Variants in MAPK10 observed in about 807,000 individuals in gnomAD.
MAPK10 encodes the protein mitogen-activated protein kinase 10, also known as JNK3 alpha protein kinase.
In MAPK10, 25 loss-of-function variants were observed where a neutral mutation model predicts 59.3. The ratio of observed to expected loss-of-function variants is 0.42; its 90% CI spans 0.31 to 0.59. The LOEUF is 0.59. Among genes scored for constraint, MAPK10 ranks in the 20% least tolerant of loss-of-function variants. The pLI is 0.15. For synonymous variants in MAPK10, 190 were observed against 200.5 expected, an observed-to-expected ratio of 0.95 and a Z score of 0.44; for missense variants, 351 against 568.9, an observed-to-expected ratio of 0.62 and a Z score of 3.90.
rs1442724789 is a variant in MAPK10 at position 86,017,476 on chromosome 4, C to A, written c.1253-106G>T. On this transcript the variant is annotated intron_variant, in intron 13 of 13. Transcript: ENST00000641462. This position sits in a 1 kb window ranked among gnomAD's most constrained non-coding sequence, Gnocchi z 4.4. The stretch of plus-strand genomic sequence containing the variant: ...CAAATACAATAGGGGATGTCCAGTC[C>A]ATCAATCATTTGGCAAGCCTTTATA... The A allele has an allele frequency of 2.5e-5, 31 of 1,256,440 alleles. No individual in the cohort carries two copies. The highest frequency in any genetic ancestry group is 3.4e-5 in the Non-Finnish European group (30 of 885,486). The allele number at this position is 1,256,440 out of a possible 1,614,324, so 77.8% of individuals were successfully genotyped here. A position where few individuals can be genotyped will look rare whatever the true frequency, so the allele number is the denominator to read the frequency against.
chr4:86,046,717 A>G (rs1361105871), intron 11 of MAPK10, among the ~76,000 whole-genome samples: 4 of 152,174 alleles, frequency 2.6e-5, no homozygotes, highest in African/African-American at 4.8e-5. Flanking sequence ...CTTTTGATAT[A>G]CACATATTAG....
chr4:86,587,157 T>C (rs1166963204), intron 1 of MAPK10, among the ~76,000 whole-genome samples: 2 of 152,242 alleles, frequency 1.3e-5, no homozygotes, highest in African/African-American at 2.4e-5. Flanking sequence ...TCTTATTTCC[T>C]TCACTTTACA....
intron 3 of MAPK10, chr4:86,192,117 G>A (rs1268768741): frequency 1.3e-5 from 2 of 152,132 alleles, no homozygotes; most frequent in African/African-American, 4.8e-5. Flanking sequence ...CTTCTGGCTT[G>A]TAGGGTTTCT....
At chr4:86,492,261 C>T (rs772590192) in intron 1 of MAPK10, among the ~76,000 whole-genome samples, 9 of 152,160 alleles carry the variant, frequency 5.9e-5, no homozygotes, top group Non-Finnish European at 1.3e-4. Context: ...TCCTGTAACA[C>T]CAGCAGACAA....
At chr4:86,218,568 C>CAAAAA (rs11330422) in intron 2 of MAPK10, among the ~76,000 whole-genome samples, 68 of 95,410 alleles carry the variant, frequency 7.1e-4, no homozygotes, top group African/African-American at 1.4e-3. Context: ...AAGACTTAAG[C>CAAAAA]AAAAAAAAAA....
intron 4 of MAPK10, among the ~76,000 whole-genome samples, chr4:86,140,360 A>C (rs1291245148): frequency 6.9e-6 from 1 of 144,724 alleles, no homozygotes; most frequent in African/African-American, 2.8e-5. Flanking sequence ...GCCATAAAAA[A>C]TGATGAGTTC....
intron 2 of MAPK10, among the ~76,000 whole-genome samples, chr4:86,310,707 T>C (rs1049744520): frequency 2.0e-5 from 3 of 152,156 alleles, no homozygotes; most frequent in Admixed American, 6.6e-5. Flanking sequence ...TTATTTTTAA[T>C]ATATAGTTCA....
chr4:86,480,801 T>G (rs1195613883), intron 1 of MAPK10, among the ~76,000 whole-genome samples: 1 of 152,206 alleles, frequency 6.6e-6, no homozygotes, highest in Non-Finnish European at 1.5e-5. Context: ...ACAAATTTAT[T>G]TAATCAAAGT....
At chr4:86,047,873 C>A (rs1472769007) in intron 11 of MAPK10, among the ~76,000 whole-genome samples, 1 of 152,084 alleles carries the variant, frequency 6.6e-6, no homozygotes. Flanking sequence ...AAGGAAAATT[C>A]TAGGCATTCT....
intron 1 of MAPK10, among the ~76,000 whole-genome samples, chr4:86,385,522 G>A (rs766396797): frequency 6.6e-6 from 1 of 152,110 alleles, no homozygotes; most frequent in Non-Finnish European, 1.5e-5. Flanking sequence ...TATAAACTAT[G>A]TAATCATTGG....
At chr4:86,564,043 G>T (rs1372086501) in intron 1 of MAPK10, among the ~76,000 whole-genome samples, 2 of 152,080 alleles carry the variant, frequency 1.3e-5, no homozygotes, top group African/African-American at 2.4e-5. Context: ...TTTTCTCCAG[G>T]CTGGTCTCGA....
chr4:86,258,448 T>G (rs2093846059), intron 2 of MAPK10, among the ~76,000 whole-genome samples: 1 of 152,198 alleles, frequency 6.6e-6, no homozygotes, highest in Non-Finnish European at 1.5e-5. Flanking sequence ...TTACCCCCAC[T>G]GTATCTATAA....
intron 4 of MAPK10, among the ~76,000 whole-genome samples, chr4:86,141,100 A>T (rs2063543142): frequency 6.6e-6 from 1 of 152,224 alleles, no homozygotes; most frequent in South Asian, 2.1e-4. Context: ...ACTTGTTCAA[A>T]GTCATTCAGC....
At chr4:86,091,561 T>G (rs1196611202) in intron 9 of MAPK10, 1 of 148,580 alleles carries the variant, frequency 6.7e-6, no homozygotes, top group Non-Finnish European at 1.5e-5. Context: ...TTTTTTTTTT[T>G]TTTTGCTGTT....
chr4:86,546,283 C>T (rs1759150062), intron 1 of MAPK10, among the ~76,000 whole-genome samples: 1 of 151,966 alleles, frequency 6.6e-6, no homozygotes, highest in Admixed American at 6.6e-5. Context: ...TGCGGTGGCT[C>T]ACGCCTGTAA....
intron 1 of MAPK10, among the ~76,000 whole-genome samples, chr4:86,447,583 C>T (rs1163513625): frequency 6.6e-6 from 1 of 152,108 alleles, no homozygotes; most frequent in African/African-American, 2.4e-5. Context: ...AAATGATAAA[C>T]ATAAACAGTA....
At chr4:86,171,505 G>C (rs890138211) in intron 3 of MAPK10, among the ~76,000 whole-genome samples, 21 of 151,874 alleles carry the variant, frequency 1.4e-4, no homozygotes, top group Non-Finnish European at 2.9e-4. Flanking sequence ...AAATGGTGCT[G>C]GGGAAACTGG....
intron 1 of MAPK10, among the ~76,000 whole-genome samples, chr4:86,388,192 G>C (rs2149006660): frequency 6.6e-6 from 1 of 151,868 alleles, no homozygotes; most frequent in South Asian, 2.1e-4. Flanking sequence ...ATGTGTGTGT[G>C]TGCATGTATG....
intron 13 of MAPK10, chr4:86,027,708 T>G (rs1260920000): frequency 6.6e-6 from 1 of 152,234 alleles, no homozygotes; most frequent in Non-Finnish European, 1.5e-5. Context: ...GCTACTACTA[T>G]GTGCAAGGCA....
Sources: gnomAD v4.1 joint callset for allele counts (sites outside exome capture counted in the v4.1 genomes callset) on GRCh38, gnomAD v4.1.1 for gene constraint, Gnocchi (gnomAD v3.1) non-coding constraint, MANE v1.5 for transcripts, NCBI Gene and HGNC (gene_info 2026-07-23, HGNC 2026-07-21) for gene names.